FOCAD: variants seen among roughly 807,000 people sequenced by gnomAD.
FOCAD encodes KIAA1797.
FOCAD carries 198 observed loss-of-function variants against 225.6 expected under a neutral mutation model. That is an observed-to-expected ratio of 0.88 (90% confidence interval 0.78 to 0.99). The LOEUF (loss-of-function observed/expected upper bound fraction) is 0.99. FOCAD is among the 50% of genes least tolerant of loss of function. The probability of loss-of-function intolerance (pLI) is 0.00; values close to 1 mark genes in which losing one functional copy is unlikely to be tolerated. For synonymous variants in FOCAD, 897 were observed against 755.0 expected (o/e 1.19, Z -3.08); for missense variants, 2,713 against 2,123.6 (o/e 1.28, Z -5.46).
intron 15 of FOCAD, among the ~76,000 whole-genome samples, chr9:20,853,086 G>C (rs1332316): frequency 0.58 from 87,837 of 151,416 alleles, 25,679 homozygotes; most frequent in East Asian, 0.67. Context: ...GAATTTGCTA[G>C]TTCATCCTGG....
intron 1 of FOCAD, among the ~76,000 whole-genome samples, chr9:20,697,046 A>G (rs1446364559): frequency 3.3e-5 from 5 of 152,136 alleles, no homozygotes; most frequent in Non-Finnish European, 7.3e-5. Context: ...CTGTGAGCCA[A>G]TAGGTTTCTG....
intron 1 of FOCAD, among the ~76,000 whole-genome samples, chr9:20,686,501 G>A (rs1822676687): frequency 6.6e-6 from 1 of 152,060 alleles, no homozygotes; most frequent in African/African-American, 2.4e-5. Context: ...ACCTTCTAGC[G>A]GGAAAAAACC....
At chr9:20,728,111 AGT>A (rs1826357185) in intron 4 of FOCAD, among the ~76,000 whole-genome samples, 1 of 152,174 alleles carries the variant, frequency 6.6e-6, no homozygotes, top group African/African-American at 2.4e-5. Context: ...TTTTCTAGTT[AGT>A]GTAGTTGGTA....
chr9:20,899,424 C>T (rs1031118548), intron 21 of FOCAD, among the ~76,000 whole-genome samples: 9 of 151,930 alleles, frequency 5.9e-5, no homozygotes, highest in Non-Finnish European at 8.8e-5. Flanking sequence ...TGAGTTTCTG[C>T]TTTGATAAGC....
At chr9:20,668,137 T>C (rs531439558) in intron 2 of FOCAD, among the ~76,000 whole-genome samples, 1 of 152,382 alleles carries the variant, frequency 6.6e-6, no homozygotes, top group South Asian at 2.1e-4. Flanking sequence ...TTGCATCTCA[T>C]TTTTGTATTT....
intron 2 of FOCAD, among the ~76,000 whole-genome samples, chr9:20,663,657 T>G (rs1587174760): frequency 6.6e-6 from 1 of 152,318 alleles, no homozygotes; most frequent in South Asian, 2.1e-4. Context: ...GCCACTTCAA[T>G]AATGGTACCA....
intron 8 of FOCAD, among the ~76,000 whole-genome samples, chr9:20,776,578 C>A (rs1166164628): frequency 6.6e-6 from 1 of 152,150 alleles, no homozygotes; most frequent in Non-Finnish European, 1.5e-5. Context: ...ACCTCTTTTC[C>A]ATTCACCCTC....
In FOCAD at chr9:20,723,413, G is replaced by A. The variant is rs186459194; in HGVS notation, c.287+2879G>A. Among the ~76,000 whole-genome samples the A allele has an allele frequency of 5.4e-3, 820 of 152,318 alleles. 13 individuals carry two copies. The highest frequency in any genetic ancestry group is 0.019 in the African/African-American group (775 of 41,550). ...TGAGGCAGGAGAATCACTCGAACCCGGGAGGCGGATCTTGCAGCGAGCTGA... is the reference window on the plus strand; with the variant it reads ...TGAGGCAGGAGAATCACTCGAACCCAGGAGGCGGATCTTGCAGCGAGCTGA... On this transcript the variant is annotated intron_variant, in intron 4 of 43. Coordinates refer to ENST00000338382, the MANE Select transcript of FOCAD (RefSeq NM_001375567.1).
At chr9:20,922,513 C>T (rs1478739729) in intron 24 of FOCAD, among the ~76,000 whole-genome samples, 1 of 152,176 alleles carries the variant, frequency 6.6e-6, no homozygotes. Context: ...TGCAAGAACA[C>T]ATGTGCGCCA....
chr9:20,669,109 G>A (rs1821982258), intron 2 of FOCAD, among the ~76,000 whole-genome samples: 1 of 152,234 alleles, frequency 6.6e-6, no homozygotes, highest in Middle Eastern at 3.4e-3. Context: ...CCTTCTTGGG[G>A]GCCTTGTGCT....
At chr9:20,937,513 A>C (rs1158814468) in intron 28 of FOCAD, among the ~76,000 whole-genome samples, 4 of 151,710 alleles carry the variant, frequency 2.6e-5, no homozygotes, top group African/African-American at 9.7e-5. Flanking sequence ...TGCTGGGAAA[A>C]CTGGCTAGCC....
At chr9:20,784,483 G>GT (rs1056813153) in intron 10 of FOCAD, among the ~76,000 whole-genome samples, 9 of 152,250 alleles carry the variant, frequency 5.9e-5, no homozygotes, top group Non-Finnish European at 1.2e-4. Context: ...AATCGGAAAA[G>GT]TTTTTTTGGA....
intron 35 of FOCAD, among the ~76,000 whole-genome samples, chr9:20,955,908 G>C (rs749521276): frequency 3.3e-5 from 5 of 149,442 alleles, no homozygotes; most frequent in Admixed American, 6.8e-5. Flanking sequence ...GCTAATATTA[G>C]ATATTTCTAT....
At chr9:20,976,048 A>T (rs1461552084) in intron 35 of FOCAD, among the ~76,000 whole-genome samples, 1 of 152,196 alleles carries the variant, frequency 6.6e-6, no homozygotes, top group Non-Finnish European at 1.5e-5. Context: ...ATTTCCAAAT[A>T]GCTAGATAAA....
intron 11 of FOCAD, among the ~76,000 whole-genome samples, chr9:20,797,987 C>T (rs1264865065): frequency 1.3e-5 from 2 of 152,128 alleles, no homozygotes; most frequent in Non-Finnish European, 2.9e-5. Context: ...GTGGGTTTGT[C>T]ATAGATAGCT....
intron 2 of FOCAD, among the ~76,000 whole-genome samples, chr9:20,673,565 CTA>C (rs1016008082): frequency 6.6e-6 from 1 of 152,024 alleles, no homozygotes; most frequent in African/African-American, 2.4e-5. Context: ...GAAGAAATAT[CTA>C]TACATTTTTA....
chr9:20,790,450 G>A (rs775026195), intron 11 of FOCAD, among the ~76,000 whole-genome samples: 3 of 152,146 alleles, frequency 2.0e-5, no homozygotes, highest in Non-Finnish European at 2.9e-5. Context: ...AAATTTGATG[G>A]TAGAAAACGG....
chr9:20,821,348 TTA>T (rs1824303789), intron 14 of FOCAD, among the ~76,000 whole-genome samples: 1 of 152,066 alleles, frequency 6.6e-6, no homozygotes, highest in South Asian at 2.1e-4. Flanking sequence ...ACATGTGATG[TTA>T]TGTTTTCTAT....
At chr9:20,839,620 C>G (rs1173993736) in intron 15 of FOCAD, among the ~76,000 whole-genome samples, 1 of 151,568 alleles carries the variant, frequency 6.6e-6, no homozygotes, top group African/African-American at 2.4e-5. Flanking sequence ...AATTACTTTC[C>G]CTTTTTTTTG....
Sources: gnomAD v4.1 joint callset for allele counts (sites outside exome capture counted in the v4.1 genomes callset) on GRCh38, gnomAD v4.1.1 for gene constraint, MANE v1.5 for transcripts, NCBI Gene and HGNC (gene_info 2026-07-23, HGNC 2026-07-21) for gene names.